The following PCDHGA7 variants were observed in gnomAD, a reference collection of about 807,000 sequenced individuals.
The protein encoded by PCDHGA7 is protocadherin gamma-A7.
In PCDHGA7, 44 loss-of-function variants were observed where a neutral mutation model predicts 58.3. That is an observed-to-expected ratio of 0.75 (90% CI 0.59 to 0.97). The LOEUF (loss-of-function observed/expected upper bound fraction) is 0.97. PCDHGA7 is among the 50% of genes least tolerant of loss of function. PCDHGA7 has a pLI of 0.00. For synonymous variants in PCDHGA7, 516 were observed against 504.2 expected (o/e 1.02, Z -0.31); for missense variants, 1,266 against 1,188.7 (o/e 1.06, Z -0.96).
At position 141,493,262 on chromosome 5, in the gene PCDHGA7, A is replaced by G. The variant is rs148431133; in HGVS notation, c.2425-1545A>G. ...GGTACTAACATGCCTCTCTTATAAC[A>G]GCTTCACAGAGGTCAAGTGACTTGC... is the stretch of plus-strand genomic sequence containing the variant. On this transcript the variant is annotated intron_variant, in intron 1 of 3. Transcript: ENST00000518325. This position sits in a 1 kb window ranked among gnomAD's most constrained non-coding sequence, Gnocchi z 4.3. 5.1e-4 allele frequency among the ~76,000 whole-genome samples: 78 copies of G among 152,302 alleles called. No homozygotes were observed. Among genetic ancestry groups the G allele is most frequent in the African/African-American group, 1.7e-3 (72 of 41,574 alleles).
Position 141,382,917 on chromosome 5 carries a change from G to A in PCDHGA7, c.18G>A (p.Arg6=), listed in dbSNP as rs527482854. MAAQP[R]GGDYRGFFLL... ...GGACGACTATGGCGGCTCAGCCGAGGGGCGGGGACTACAGAGGATTCTTCC... is the reference window on the plus strand; with the variant it reads ...GGACGACTATGGCGGCTCAGCCGAGAGGCGGGGACTACAGAGGATTCTTCC... Residue 6 remains arginine, a synonymous_variant, in exon 1 of 4, where the codon AGG becomes AGA. Coordinates refer to ENST00000518325, the MANE Select transcript of PCDHGA7 (RefSeq NM_018920.4). 1 of 1,555,450 alleles carries A rather than the reference G, an allele frequency of 6.4e-7. No individual in the cohort carries two copies. Among genetic ancestry groups the A allele is most frequent in the East Asian group, 2.3e-5 (1 of 44,162 alleles).
At chr5:141,505,239 G>A (rs2099844708) in intron 2 of PCDHGA7, 154 bp from the exon 3 acceptor site, 1 of 886,092 alleles carries the variant, frequency 1.1e-6, no homozygotes, top group Middle Eastern at 5.9e-4. Context: ...GCTTCTGAAG[G>A]ATTGTAGAAG....
chr5:141,408,439 G>A (rs1057408625), intron 1 of PCDHGA7: 4 of 1,613,950 alleles, frequency 2.5e-6, no homozygotes, highest in Non-Finnish European at 3.4e-6. Flanking sequence ...GCGTAGACGC[G>A]GAGAGCGGGG....
chr5:141,420,330 C>G lies in PCDHGA7; in HGVS notation c.2424+35007C>G, dbSNP rs765696240. 711 of 1,399,258 alleles carry G rather than the reference C, an allele frequency of 5.1e-4. 1 individual carries two copies. The highest frequency in any genetic ancestry group is 6.5e-4 in the Non-Finnish European group (676 of 1,043,138). 86.7% of individuals were successfully genotyped at this position (1,399,258 alleles called of 1,614,324 possible). A position where few individuals can be genotyped will look rare whatever the true frequency, so the allele number is the denominator to read the frequency against. On this transcript the variant is annotated intron_variant, in intron 1 of 3. Coordinates refer to ENST00000518325, the MANE Select transcript of PCDHGA7 (RefSeq NM_018920.4). Reference sequence around the variant, plus strand: ...TTATATTACAATATGCCAATATATTCCAATATAGTGGTATTATTTTAAGAT... The same window carrying G: ...TTATATTACAATATGCCAATATATTGCAATATAGTGGTATTATTTTAAGAT...
intron 3 of PCDHGA7, among the ~76,000 whole-genome samples, chr5:141,508,848 TC>T (rs1390332366): frequency 6.6e-5 from 10 of 151,752 alleles, no homozygotes. Context: ...CCCCTTCCAT[TC>T]CCAGGCTGGG....
At chr5:141,427,495 C>A in intron 1 of PCDHGA7, 2 of 562,648 alleles carry the variant, frequency 3.6e-6, no homozygotes, top group South Asian at 1.5e-5. Flanking sequence ...AAGCTTGTAA[C>A]AGATGGGACC....
chr5:141,509,765 T>G (rs1312823974), intron 3 of PCDHGA7, among the ~76,000 whole-genome samples: 2 of 152,120 alleles, frequency 1.3e-5, no homozygotes, highest in Non-Finnish European at 1.5e-5. Flanking sequence ...GTCCCTGAGA[T>G]GTCTAGTCCC....
intron 1 of PCDHGA7, among the ~76,000 whole-genome samples, chr5:141,402,740 C>A (rs2094301178): frequency 6.6e-6 from 1 of 152,146 alleles, no homozygotes; most frequent in Non-Finnish European, 1.5e-5. Context: ...CGCTGTTGAT[C>A]AACTCTAAGC....
At chr5:141,482,673 G>A (rs1278135239) in intron 1 of PCDHGA7, among the ~76,000 whole-genome samples, 1 of 152,156 alleles carries the variant, frequency 6.6e-6, no homozygotes, top group Non-Finnish European at 1.5e-5. Context: ...TAAAGGTTGA[G>A]TAGTAGCTTG....
In PCDHGA7 at chr5:141,485,848, C is replaced by T; in HGVS notation, c.2425-8959C>T. On this transcript the variant is annotated intron_variant, in intron 1 of 3. Coordinates refer to ENST00000518325, the MANE Select transcript of PCDHGA7 (RefSeq NM_018920.4). This position sits in a 1 kb window ranked among gnomAD's most constrained non-coding sequence, Gnocchi z 5.7. ...GAGGGAACCCGCCGAGATCTGGCAC[C>T]GCAGAGCTCCGGGTATCCGTGCTGG... The T allele has an allele frequency of 1.2e-6, 2 of 1,614,194 alleles. No homozygotes were observed. Among genetic ancestry groups the T allele is most frequent in the South Asian group, 2.2e-5 (2 of 91,080 alleles).
chr5:141,431,450 A>T lies in PCDHGA7; in HGVS notation c.2424+46127A>T, dbSNP rs1468567743. 1 of 1,613,740 alleles carries T rather than the reference A, an allele frequency of 6.2e-7. No homozygotes were observed. Among genetic ancestry groups the T allele is most frequent in the Admixed American group, 1.7e-5 (1 of 60,032 alleles). ...CACAGGCACCGCGCGCATCCGCGTG[A>T]TGGTTCTGGATGCGAACGACAACGC... On this transcript the variant is annotated intron_variant, in intron 1 of 3. Transcript: ENST00000518325. This position sits in a 1 kb window ranked among gnomAD's most constrained non-coding sequence, Gnocchi z 4.8.
At chr5:141,418,744 T>C in intron 1 of PCDHGA7, 1 of 1,613,936 alleles carries the variant, frequency 6.2e-7, no homozygotes, top group Non-Finnish European at 8.5e-7. Context: ...TCTCTCTGGA[T>C]TACACTACAG....
chr5:141,423,065 G>C, intron 1 of PCDHGA7: 1 of 1,614,138 alleles, frequency 6.2e-7, no homozygotes, highest in Non-Finnish European at 8.5e-7. Flanking sequence ...CTTAAGGCCA[G>C]CGAGCCGGGA....
intron 1 of PCDHGA7, chr5:141,395,150 C>G: frequency 6.2e-7 from 1 of 1,614,162 alleles, no homozygotes; most frequent in Non-Finnish European, 8.5e-7. Flanking sequence ...CAGACATGCT[C>G]ATCAGTCAGG....
At chr5:141,389,513 C>G (rs749432491) in intron 1 of PCDHGA7, 2 of 1,613,038 alleles carry the variant, frequency 1.2e-6, no homozygotes, top group African/African-American at 1.3e-5. Flanking sequence ...TCAGCGCGAA[C>G]GTGAGCCTGC....
intron 1 of PCDHGA7, chr5:141,395,078 G>A: frequency 1.2e-6 from 2 of 1,614,126 alleles, no homozygotes; most frequent in Non-Finnish European, 1.7e-6. Flanking sequence ...CCTATTCCCA[G>A]GAAGTCTCCC....
chr5:141,384,530 G>A lies in PCDHGA7; in HGVS notation c.1631G>A (p.Ser544Asn). ...AHDSGDPPLS[S>N]NMSLSLFVLD... is the part of the protein sequence containing the mutation. ...GACAGCGGGGACCCGCCTCTCAGCAGCAACATGTCACTGAGCCTGTTCGTG... is the reference window on the plus strand; with the variant it reads ...GACAGCGGGGACCCGCCTCTCAGCAACAACATGTCACTGAGCCTGTTCGTG... Residue 544 changes from serine to asparagine, a missense_variant, in exon 1 of 4, where the codon AGC becomes AAC. Ser to Asn is a conservative substitution (Grantham distance 46). Transcript: ENST00000518325. The A allele has an allele frequency of 3.7e-6, 6 of 1,614,238 alleles. No individual in the cohort carries two copies. The highest frequency in any genetic ancestry group is 5.1e-6 in the Non-Finnish European group (6 of 1,180,030).
rs781367282 is a variant in PCDHGA7 at position 141,485,525 on chromosome 5, C to G, written c.2425-9282C>G. On this transcript the variant is annotated intron_variant, in intron 1 of 3. Transcript: ENST00000518325. This position sits in a 1 kb window ranked among gnomAD's most constrained non-coding sequence, Gnocchi z 5.7. ...CACCGAAGGTCCTTTGGAAATGTAC[C>G]GAGCAGAGGTAGAGATCGTAGATGT... is the stretch of plus-strand genomic sequence containing the variant. 5 of 1,614,122 alleles carry G rather than the reference C, an allele frequency of 3.1e-6. No homozygotes were observed. The highest frequency in any genetic ancestry group is 2.5e-6 in the Non-Finnish European group (3 of 1,180,022).
In PCDHGA7 at chr5:141,393,718, C is replaced by G. The variant is rs185464441; in HGVS notation, c.2424+8395C>G. Reference sequence around the variant, plus strand: ...CTTAATGAAAATACTGGGGAAATATCAATAGCAAAAAGTCTAGATTATGAA... The same window carrying G: ...CTTAATGAAAATACTGGGGAAATATGAATAGCAAAAAGTCTAGATTATGAA... On this transcript the variant is annotated intron_variant, in intron 1 of 3. Transcript: ENST00000518325. 1.4e-4 allele frequency: 220 copies of G among 1,613,644 alleles called. 1 individual carries two copies. Among genetic ancestry groups the G allele is most frequent in the Non-Finnish European group, 1.8e-4 (214 of 1,179,840 alleles).
Sources: allele counts gnomAD v4.1 joint callset (sites outside exome capture counted in the v4.1 genomes callset), GRCh38; gene constraint gnomAD v4.1.1; non-coding constraint Gnocchi (gnomAD v3.1); transcripts MANE v1.5; gene names NCBI Gene and HGNC (gene_info 2026-07-23, HGNC 2026-07-21).